Variants in IL27 observed in about 807,000 individuals in gnomAD.
IL27 encodes interleukin 27.
A neutral mutation model predicts 27.0 loss-of-function variants in IL27; 11 were observed. The ratio of observed to expected loss-of-function variants is 0.41; its 90% CI spans 0.26 to 0.67. The LOEUF is 0.67. IL27 is among the 30% of genes least tolerant of loss of function. The pLI is 0.34. For synonymous variants in IL27, 134 were observed against 140.6 expected (o/e 0.95, Z 0.33); for missense variants, 299 against 310.4 (o/e 0.96, Z 0.28).
chr16:28,499,737 G>C lies in IL27; in HGVS notation c.646C>G (p.Arg216Gly). ...LLHSLELVLSRAVRELLLLSK... is the reference protein window; with the variant it reads ...LLHSLELVLSGAVRELLLLSK... Reference sequence around the variant, plus strand: ...AGCAGCAGCAACTCCCGCACGGCCCGAGATAAGACGAGCTCCAAGGAGTGC... The same window carrying C: ...AGCAGCAGCAACTCCCGCACGGCCCCAGATAAGACGAGCTCCAAGGAGTGC... The change falls in exon 5 of 5, where the codon CGG (arginine) becomes GGG (glycine). Residue 216 changes from arginine (R) to glycine (G), a missense_variant. Coordinates refer to ENST00000356897, the MANE Select transcript of IL27 (RefSeq NM_145659.3). The C allele has an allele frequency of 6.2e-7, 1 of 1,613,486 alleles. No individual in the cohort carries two copies. Among genetic ancestry groups the C allele is most frequent in the Non-Finnish European group, 8.5e-7 (1 of 1,179,802 alleles).
At chr16:28,506,658 G>A in intron 1 of IL27, 123 bp downstream of exon 1, 2 of 968,776 alleles carry the variant, frequency 2.1e-6, no homozygotes, top group Middle Eastern at 2.2e-4. Flanking sequence ...GCAGCAGCCA[G>A]CCGAATCCTC....
At position 28,499,843 on chromosome 16, in the gene IL27, C is replaced by A; in HGVS notation, c.540G>T (p.Leu180=). ...EEEEEEERKG[L]LPGALGSALQ... ...AGGCGCTGCCCAGTGCCCCTGGGAG[C>A]AGCCCCTTCCTCTCCTCCTCCTCCT... Residue 180 remains leucine, a synonymous_variant, in exon 5 of 5, where the codon CTG becomes CTT. Transcript: ENST00000356897. 5.7e-6 allele frequency: 9 copies of A among 1,567,468 alleles called. No homozygotes were observed. Among genetic ancestry groups the A allele is most frequent in the Non-Finnish European group, 7.8e-6 (9 of 1,156,322 alleles).
chr16:28,503,721 T>G lies in IL27; in HGVS notation c.277A>C (p.Thr93Pro). The change falls in exon 3 of 5, where the codon ACC becomes CCC. Residue 93 changes from threonine (T) to proline (P), a missense_variant. Coordinates refer to ENST00000356897, the MANE Select transcript of IL27 (RefSeq NM_145659.3). ...GAGAGGCGGCGCCAGGCCTGGAAGGTCAGGGAAACATCAGGGAGCTGCTCT... is the reference window on the plus strand; with the variant it reads ...GAGAGGCGGCGCCAGGCCTGGAAGGGCAGGGAAACATCAGGGAGCTGCTCT... ...LGEQLPDVSL[T>P]FQAWRRLSDP... The G allele has an allele frequency of 6.2e-7, 1 of 1,613,010 alleles. No homozygotes were observed. The highest frequency in any genetic ancestry group is 8.5e-7 in the Non-Finnish European group (1 of 1,179,452).
intron 1 of IL27, 80 bp downstream of exon 1, chr16:28,506,701 A>T: frequency 7.3e-7 from 1 of 1,373,716 alleles, no homozygotes; most frequent in Non-Finnish European, 1.0e-6. Flanking sequence ...TCAGCTCTCG[A>T]CCCCCCATCT....
At position 28,503,960 on chromosome 16, in the gene IL27, T is replaced by C. The variant is rs373619499; in HGVS notation, c.122A>G (p.Gln41Arg). 8.1e-6 allele frequency: 13 copies of C among 1,614,038 alleles called. No homozygotes were observed. The highest frequency in any genetic ancestry group is 1.0e-5 in the Non-Finnish European group (12 of 1,180,002). The change falls in exon 2 of 5, where the codon CAG (glutamine) becomes CGG (arginine). Residue 41 changes from glutamine to arginine, a missense_variant. Coordinates refer to ENST00000356897, the MANE Select transcript of IL27 (RefSeq NM_145659.3). ...GACTGTGAACTCCCTCCGCAGCTCCTGCAGGCTCAGCTGGGGCCTCCCTGG... is the reference window on the plus strand; with the variant it reads ...GACTGTGAACTCCCTCCGCAGCTCCCGCAGGCTCAGCTGGGGCCTCCCTGG... ...RPPGRPQLSL[Q>R]ELRREFTVSL...
chr16:28,504,309 C>G (rs1360711583), intron 1 of IL27, among the ~76,000 whole-genome samples: 1 of 152,148 alleles, frequency 6.6e-6, no homozygotes, highest in Non-Finnish European at 1.5e-5. Flanking sequence ...GAAACCCTGT[C>G]TCTACTAAAA....
In IL27 at chr16:28,504,991, G is replaced by A. The variant is rs563832933; in HGVS notation, c.32-941C>T. The stretch of plus-strand genomic sequence containing the variant: ...TCAGTGCTATTGTTCTCCCCAATTT[G>A]CAGGTGAGGCTCAGTGAGGTTGACT... On this transcript the variant is annotated intron_variant, in intron 1 of 4. Transcript: ENST00000356897. 3.8e-4 allele frequency among the ~76,000 whole-genome samples: 58 copies of A among 152,330 alleles called. No individual in the cohort carries two copies. The South Asian group carries it at 0.012, about 30-fold the overall frequency.
chr16:28,501,467 G>GAC, intron 4 of IL27, among the ~76,000 whole-genome samples: 1 of 135,188 alleles, frequency 7.4e-6, no homozygotes, highest in African/African-American at 2.8e-5. Context: ...CACACTCACA[G>GAC]CCACACACTT....
chr16:28,501,805 A>T (rs1447508153), intron 4 of IL27, among the ~76,000 whole-genome samples, 171 bp downstream of exon 4: 2 of 134,706 alleles, frequency 1.5e-5, no homozygotes, highest in East Asian at 2.5e-4. Context: ...ACTCTCCCAC[A>T]CTTACGGACC....
chr16:28,502,267 A>C (rs1422288226), intron 3 of IL27, 133 bp from the exon 4 acceptor site: 2 of 729,620 alleles, frequency 2.7e-6, no homozygotes, highest in African/African-American at 2.2e-5. Context: ...CTCTTCCCCC[A>C]CCTCAGCCCA....
chr16:28,501,154 A>G (rs1391659757), intron 4 of IL27, among the ~76,000 whole-genome samples: 1 of 151,226 alleles, frequency 6.6e-6, no homozygotes, highest in East Asian at 1.9e-4. Context: ...GCACCGCTGC[A>G]CTCCAGCCTG....
At chr16:28,502,311 G>A (rs1258290839) in intron 3 of IL27, among the ~76,000 whole-genome samples, 177 bp from the exon 4 acceptor site, 1 of 150,436 alleles carries the variant, frequency 6.6e-6, no homozygotes, top group Non-Finnish European at 1.5e-5. Context: ...TCCACTGTCT[G>A]GGACATTTGT....
chr16:28,503,592 G>T (rs1241414405), intron 3 of IL27, 103 bp downstream of exon 3: 2 of 802,860 alleles, frequency 2.5e-6, no homozygotes, highest in Non-Finnish European at 4.0e-6. Flanking sequence ...CCTTATCCAG[G>T]TTCTATCCCC....
chr16:28,502,654 CCTT>C (rs1043167276), intron 3 of IL27, among the ~76,000 whole-genome samples: 5 of 152,172 alleles, frequency 3.3e-5, no homozygotes, highest in Admixed American at 1.3e-4. Flanking sequence ...CTCATCATCA[CCTT>C]CTCATCTCTA....
In IL27 at chr16:28,499,736, C is replaced by T. The variant is rs1333445934; in HGVS notation, c.647G>A (p.Arg216Gln). 2.5e-6 allele frequency: 4 copies of T among 1,613,446 alleles called. No homozygotes were observed. The highest frequency in any genetic ancestry group is 3.4e-6 in the Non-Finnish European group (4 of 1,179,762). The change falls in exon 5 of 5, where the codon CGG (arginine) becomes CAG (glutamine). Residue 216 changes from arginine to glutamine, a missense_variant. Physicochemically the swap from Arg to Gln is conservative, Grantham distance 43. Transcript: ENST00000356897. ...LLHSLELVLS[R>Q]AVRELLLLSK... is the part of the protein sequence containing the mutation. ...CAGCAGCAGCAACTCCCGCACGGCC[C>T]GAGATAAGACGAGCTCCAAGGAGTG...
chr16:28,504,995 G>A (rs1463650170), intron 1 of IL27, among the ~76,000 whole-genome samples: 2 of 152,242 alleles, frequency 1.3e-5, no homozygotes, highest in Admixed American at 6.5e-5. Flanking sequence ...CAATTTGCAG[G>A]TGAGGCTCAG....
intron 4 of IL27, among the ~76,000 whole-genome samples, chr16:28,500,288 CTCTT>C (rs2046422930): frequency 6.6e-6 from 1 of 151,530 alleles, no homozygotes; most frequent in African/African-American, 2.4e-5. Context: ...CTCTCTCTCT[CTCTT>C]TCTTGGGAGC....
chr16:28,499,588 G>A lies in IL27; in HGVS notation c.*63C>T. The stretch of plus-strand genomic sequence containing the variant: ...AGGCTGATGATGCGAAGGCTGCCCT[G>A]ATGCCAAGACTCCAGTCCTAAAGTT... On this transcript the variant is annotated 3_prime_UTR_variant, in exon 5 of 5. Coordinates refer to ENST00000356897, the MANE Select transcript of IL27 (RefSeq NM_145659.3). 1 of 1,384,040 alleles carries A rather than the reference G, an allele frequency of 7.2e-7. No homozygotes were observed. The highest frequency in any genetic ancestry group is 1.4e-5 in the African/African-American group (1 of 70,000). 85.7% of individuals were successfully genotyped at this position (1,384,040 alleles called of 1,614,324 possible). A position where few individuals can be genotyped will look rare whatever the true frequency, so the allele number is the denominator to read the frequency against.
In IL27 at chr16:28,501,561, C is replaced by CA. The variant is rs200968296; in HGVS notation, c.462+414_462+415insT. On this transcript the variant is annotated intron_variant, in intron 4 of 4. Coordinates refer to ENST00000356897, the MANE Select transcript of IL27 (RefSeq NM_145659.3). Reference sequence around the variant, plus strand: ...TCATGCTCACACTCATACAGCCCCCCCACACACACACTCACAGTCACACCC... The same window carrying CA: ...TCATGCTCACACTCATACAGCCCCCCACACACACACACTCACAGTCACACCC... Among the ~76,000 whole-genome samples the CA allele has an allele frequency of 2.1e-3, 226 of 105,908 alleles. 2 individuals are homozygous for CA. The highest frequency in any genetic ancestry group is 7.1e-3 in the African/African-American group (208 of 29,502). The allele number at this position is 105,908 out of a possible 152,430, so 69.5% of individuals were successfully genotyped here.
Sources: allele counts gnomAD v4.1 joint callset (sites outside exome capture counted in the v4.1 genomes callset), GRCh38; gene constraint gnomAD v4.1.1; transcripts MANE v1.5; gene names NCBI Gene and HGNC (gene_info 2026-07-23, HGNC 2026-07-21).